The following RCC2 variants were observed in gnomAD, a reference collection of about 807,000 sequenced individuals.
RCC2 encodes protein RCC2.
A neutral mutation model predicts 64.1 loss-of-function variants in RCC2; 19 were observed. The ratio of observed to expected loss-of-function variants is 0.30; its 90% CI spans 0.21 to 0.44. RCC2 has a LOEUF of 0.44. RCC2 is among the 20% of genes least tolerant of loss of function. The pLI is 1.00. For synonymous variants in RCC2, 325 were observed against 279.6 expected, an observed-to-expected ratio of 1.16 and a Z score of -1.62; for missense variants, 508 against 710.4, an observed-to-expected ratio of 0.72 and a Z score of 3.24.
intron 2 of RCC2, among the ~76,000 whole-genome samples, chr1:17,435,354 T>A (rs781194223): frequency 1.3e-5 from 2 of 152,218 alleles, no homozygotes; most frequent in Non-Finnish European, 2.9e-5. Context: ...TTTTGGACAT[T>A]TCCTGGGCGG....
At chr1:17,438,981 T>C (rs1162157041) in intron 1 of RCC2, among the ~76,000 whole-genome samples, 1 of 150,330 alleles carries the variant, frequency 6.7e-6, no homozygotes, top group Non-Finnish European at 1.5e-5. Context: ...TGCTTTTGTC[T>C]CCGCAGTCTC....
rs373162219 is a variant in RCC2, at chr1:17,412,101, C to A, written c.1386+21G>T. ...CCTGACTGGCTTCCACTTCCCCTGA[C>A]CCGCACAGGTGACAGCTTACCAGTT... On this transcript the variant is annotated intron_variant, in intron 11 of 12. Coordinates refer to ENST00000375436, the MANE Select transcript of RCC2 (RefSeq NM_018715.4). The A allele has an allele frequency of 1.2e-5, 19 of 1,613,200 alleles. No homozygotes were observed. The African/African-American group carries it at 2.1e-4, about 18-fold the overall frequency.
chr1:17,419,762 T>A (rs1406274138), intron 7 of RCC2, among the ~76,000 whole-genome samples: 1 of 151,822 alleles, frequency 6.6e-6, no homozygotes, highest in South Asian at 2.1e-4. Flanking sequence ...AGCGCGCACG[T>A]GGCAGGAAGC....
intron 6 of RCC2, among the ~76,000 whole-genome samples, 167 bp downstream of exon 6, chr1:17,422,029 AAAAAAAC>A (rs1212760239): frequency 1.3e-5 from 2 of 152,236 alleles, no homozygotes; most frequent in African/African-American, 2.4e-5. Context: ...CCGTTCTCAA[AAAAAAAC>A]AAAAAACAAA....
At chr1:17,433,802 T>C (rs887673801) in intron 2 of RCC2, among the ~76,000 whole-genome samples, 11 of 152,164 alleles carry the variant, frequency 7.2e-5, no homozygotes, top group Non-Finnish European at 1.5e-4. Flanking sequence ...GTCAACCTTT[T>C]AACATAGGTC....
intron 7 of RCC2, among the ~76,000 whole-genome samples, chr1:17,418,200 A>G (rs1268072007): frequency 6.7e-6 from 1 of 149,188 alleles, no homozygotes; most frequent in Non-Finnish European, 1.5e-5. Flanking sequence ...CACTCATCTC[A>G]TAAGCAGGTT....
At chr1:17,420,468 G>GA (rs2075544105) in intron 7 of RCC2, among the ~76,000 whole-genome samples, 1 of 151,888 alleles carries the variant, frequency 6.6e-6, no homozygotes, top group African/African-American at 2.4e-5. Context: ...TCCCAAATCA[G>GA]AAAAAAAGAA....
rs576768707 is a variant in RCC2, at chr1:17,407,360, G to C, written c.*1730C>G. ...AGGAAAGAGACCTGTCCAGGGAAAC[G>C]GATCAGGCTGTCGCATGGAAGCTTA... On this transcript the variant is annotated 3_prime_UTR_variant, in exon 13 of 13. Coordinates refer to ENST00000375436, the MANE Select transcript of RCC2 (RefSeq NM_018715.4). The C allele has an allele frequency of 6.6e-6, 1 of 152,372 alleles. No homozygotes were observed. The highest frequency in any genetic ancestry group is 1.9e-4 in the East Asian group (1 of 5,180). 9.4% of individuals were successfully genotyped at this position (152,372 alleles called of 1,614,324 possible).
rs3838948 is a variant in RCC2, at chr1:17,406,771, ATGT to A, written c.*2316_*2318del. ...AATGCAAAATCCAAGACAGTAGACA[ATGT>A]TGTTGTTTATTTAAAATGTTTACTC... On this transcript the variant is annotated 3_prime_UTR_variant, in exon 13 of 13. Transcript: ENST00000375436. 98,588 of 151,652 alleles carry A rather than the reference ATGT, an allele frequency of 0.65. 32,203 individuals are homozygous for A. The highest frequency in any genetic ancestry group is 0.7 in the African/African-American group (28,783 of 41,352). The allele number at this position is 151,652 out of a possible 1,614,324, so 9.4% of individuals were successfully genotyped here.
Position 17,413,668 on chromosome 1 carries a change from T to C in RCC2, c.1076A>G (p.Tyr359Cys). Residue 359 changes from tyrosine to cysteine, a missense_variant, in exon 9 of 13, where the codon TAT becomes TGT. Around this residue, in one of 4 missense-constraint regions of RCC2, gnomAD observed 179 missense variants for 322.0 expected, o/e 0.56. Transcript: ENST00000375436. ...CTGCTCTGCGTGGCCCAGCCGGCCA[T>C]AGCCACCAAAGCCCCAGGAGAAGAC... The part of the protein sequence containing the change: ...KRVFSWGFGG[Y>C]GRLGHAEQKD... The C allele has an allele frequency of 1.9e-6, 3 of 1,614,108 alleles. No homozygotes were observed. The highest frequency in any genetic ancestry group is 2.5e-6 in the Non-Finnish European group (3 of 1,179,990).
chr1:17,438,558 C>A, intron 1 of RCC2, 36 bp from the exon 2 acceptor site: 1 of 1,298,884 alleles, frequency 7.7e-7, no homozygotes. Flanking sequence ...GCACAATGGA[C>A]GGGTTATAAA....
chr1:17,435,742 C>T (rs2075728834), intron 2 of RCC2, among the ~76,000 whole-genome samples: 1 of 152,102 alleles, frequency 6.6e-6, no homozygotes, highest in South Asian at 2.1e-4. Context: ...CGTGGTGAAA[C>T]CCCGTCTCTA....
chr1:17,434,871 G>C (rs2075719716), intron 2 of RCC2, among the ~76,000 whole-genome samples: 1 of 152,232 alleles, frequency 6.6e-6, no homozygotes, highest in African/African-American at 2.4e-5. Context: ...GCAGCACTTT[G>C]GGAGGCGGGC....
At chr1:17,432,989 A>AAT (rs1009312100) in intron 2 of RCC2, among the ~76,000 whole-genome samples, 4 of 151,816 alleles carry the variant, frequency 2.6e-5, no homozygotes, top group Non-Finnish European at 4.4e-5. Context: ...AAAAGAAAAA[A>AAT]ATATATATAT....
rs745326616 is a variant in RCC2, at chr1:17,413,522, G to A, written c.1207+15C>T. On this transcript the variant is annotated intron_variant, in intron 9 of 12. Transcript: ENST00000375436. ...CACCAGAGCACTGATAAGCCAGGGGGCAGAAATCACTAACCCACTTCACTG... is the reference window on the plus strand; with the variant it reads ...CACCAGAGCACTGATAAGCCAGGGGACAGAAATCACTAACCCACTTCACTG... 2.5e-6 allele frequency: 4 copies of A among 1,613,326 alleles called. No individual in the cohort carries two copies. Among genetic ancestry groups the A allele is most frequent in the Non-Finnish European group, 3.4e-6 (4 of 1,179,310 alleles).
intron 7 of RCC2, 111 bp downstream of exon 7, chr1:17,420,603 T>G (rs1570185630): frequency 1.6e-6 from 1 of 613,720 alleles, no homozygotes; most frequent in South Asian, 3.0e-5. Context: ...AAGGCTATTA[T>G]CTGAGATCAA....
At chr1:17,430,623 T>C (rs1403840853) in intron 2 of RCC2, among the ~76,000 whole-genome samples, 1 of 152,026 alleles carries the variant, frequency 6.6e-6, no homozygotes, top group Middle Eastern at 3.2e-3. Context: ...CCGTCTCTAC[T>C]AAAAATACAA....
intron 2 of RCC2, among the ~76,000 whole-genome samples, chr1:17,430,204 T>C (rs59368707): frequency 0.014 from 2,112 of 152,294 alleles, 46 homozygotes; most frequent in African/African-American, 0.049. Context: ...GTTTACAGAA[T>C]TGTTCTTGGA....
chr1:17,418,790 T>TTAA (rs2075519265), intron 7 of RCC2, among the ~76,000 whole-genome samples: 1 of 152,216 alleles, frequency 6.6e-6, no homozygotes. Flanking sequence ...AAAATGGTAT[T>TTAA]TTTAAACACT....
Sources: allele counts gnomAD v4.1 joint callset (sites outside exome capture counted in the v4.1 genomes callset), GRCh38; gene constraint gnomAD v4.1.1; regional missense constraint gnomAD v4.1.1; transcripts MANE v1.5; gene names NCBI Gene and HGNC (gene_info 2026-07-23, HGNC 2026-07-21).